PALM2AKAP2: variants seen among roughly 807,000 people sequenced by gnomAD.
The protein encoded by PALM2AKAP2 is PALM2 and AKAP2 fusion.
Under a neutral mutation model 71.5 loss-of-function variants are expected in PALM2AKAP2, and 37 were observed. That is an observed-to-expected ratio of 0.52 (90% CI 0.40 to 0.68). PALM2AKAP2 has a LOEUF of 0.68. Among genes scored for constraint, PALM2AKAP2 ranks in the 30% least tolerant of loss-of-function variants. PALM2AKAP2 has a pLI of 0.00. For missense variants in PALM2AKAP2, 1,224 were observed against 1,191.8 expected, an observed-to-expected ratio of 1.03 and a Z score of -0.40; for synonymous variants, 468 against 478.8, an observed-to-expected ratio of 0.98 and a Z score of 0.29.
intron 3 of PALM2AKAP2, among the ~76,000 whole-genome samples, chr9:109,914,001 C>T (rs1354839318): frequency 2.0e-5 from 3 of 152,082 alleles, no homozygotes; most frequent in Non-Finnish European, 2.9e-5. Flanking sequence ...CGTGATCCAC[C>T]CACCTCGGCC....
intron 1 of PALM2AKAP2, among the ~76,000 whole-genome samples, chr9:109,773,010 T>C (rs1326279660): frequency 6.6e-6 from 1 of 152,112 alleles, no homozygotes; most frequent in Non-Finnish European, 1.5e-5. Flanking sequence ...CCTAGCTACT[T>C]GGGAGGCTAA....
At chr9:109,655,256 G>A (rs1463553808) in intron 1 of PALM2AKAP2, among the ~76,000 whole-genome samples, 1 of 148,282 alleles carries the variant, frequency 6.7e-6, no homozygotes, top group Non-Finnish European at 1.5e-5. Flanking sequence ...GCCGAGATCG[G>A]CCACTGCACT....
At chr9:110,111,790 CA>C (rs1459462059) in intron 1 of PALM2AKAP2, among the ~76,000 whole-genome samples, 2 of 152,110 alleles carry the variant, frequency 1.3e-5, no homozygotes, top group Non-Finnish European at 2.9e-5. Flanking sequence ...TTTTAAAATA[CA>C]ACAAAGCTGC....
At chr9:110,096,928 TTTTATTTATTTA>T (rs149932603) in intron 1 of PALM2AKAP2, among the ~76,000 whole-genome samples, 29,718 of 148,302 alleles carry the variant, frequency 0.2, 3,645 homozygotes, top group African/African-American at 0.34. Flanking sequence ...AGAATTTTCT[TTTTATTTATTTA>T]TTTATTTATT....
intron 2 of PALM2AKAP2, among the ~76,000 whole-genome samples, chr9:110,148,292 C>T (rs1390371091): frequency 6.6e-6 from 1 of 152,138 alleles, no homozygotes; most frequent in African/African-American, 2.4e-5. Context: ...GGTATAAACC[C>T]AATATCAGCA....
chr9:109,681,463 C>T (rs1007071736), intron 1 of PALM2AKAP2, among the ~76,000 whole-genome samples: 5 of 152,158 alleles, frequency 3.3e-5, no homozygotes, highest in African/African-American at 9.7e-5. Context: ...GCAGGCATTG[C>T]ACTAAGCACA....
intron 1 of PALM2AKAP2, among the ~76,000 whole-genome samples, chr9:109,681,410 T>C (rs537819762): frequency 4.7e-4 from 72 of 152,342 alleles, no homozygotes; most frequent in South Asian, 1.9e-3. Context: ...AACTCAACGA[T>C]GCAATTCAAA....
chr9:110,100,038 T>C (rs1380318195), intron 1 of PALM2AKAP2, among the ~76,000 whole-genome samples: 1 of 122,328 alleles, frequency 8.2e-6, no homozygotes, highest in Non-Finnish European at 1.6e-5. Context: ...CATATATGCA[T>C]ATGTATGTGT....
chr9:109,668,085 C>T lies in PALM2AKAP2; in HGVS notation c.5+27219C>T, dbSNP rs997851142. ...CCAAGTAGCTGGGACTACAGGCGCC[C>T]GCCACTACGCCCGGCTAATTTTTTG... On this transcript the variant is annotated intron_variant, in intron 1 of 6. Coordinates refer to the PALM2AKAP2 transcript ENST00000374531. 6.8e-3 allele frequency among the ~76,000 whole-genome samples: 449 copies of T among 65,800 alleles called. 157 individuals carry two copies. Among genetic ancestry groups the T allele is most frequent in the Admixed American group, 0.018 (143 of 7,756 alleles). 43.2% of individuals were successfully genotyped at this position (65,800 alleles called of 152,430 possible). A position where few individuals can be genotyped will look rare whatever the true frequency, so the allele number is the denominator to read the frequency against.
chr9:109,909,771 CCCATGG>C (rs919567200), intron 3 of PALM2AKAP2, among the ~76,000 whole-genome samples: 14 of 152,070 alleles, frequency 9.2e-5, no homozygotes, highest in African/African-American at 3.1e-4. Flanking sequence ...GTAGTAATTA[CCCATGG>C]GAAGGGGAAG....
intron 1 of PALM2AKAP2, among the ~76,000 whole-genome samples, chr9:110,084,627 A>C (rs1363598488): frequency 1.3e-5 from 2 of 152,238 alleles, no homozygotes; most frequent in Non-Finnish European, 2.9e-5. Flanking sequence ...AGCTAATGCC[A>C]TGTAAATGCT....
intron 1 of PALM2AKAP2, among the ~76,000 whole-genome samples, chr9:109,809,965 T>A (rs1453035448): frequency 2.6e-5 from 4 of 152,210 alleles, no homozygotes; most frequent in Admixed American, 6.5e-5. Context: ...CATGTGGAAC[T>A]GTGAGTCAAT....
At chr9:110,150,427 T>TGGCTCATGGCCCCTTCCTC (rs1836281178) in intron 2 of PALM2AKAP2, among the ~76,000 whole-genome samples, 1 of 152,188 alleles carries the variant, frequency 6.6e-6, no homozygotes, top group African/African-American at 2.4e-5. Context: ...CTACATTCCT[T>TGGCTCATGGCCCCTTCCTC]GGCTCATGGC....
chr9:110,094,793 T>C (rs1834798459), intron 1 of PALM2AKAP2, among the ~76,000 whole-genome samples: 1 of 152,226 alleles, frequency 6.6e-6, no homozygotes, highest in African/African-American at 2.4e-5. Flanking sequence ...ATCACTCCTT[T>C]ATCTTGCCAT....
intron 6 of PALM2AKAP2, among the ~76,000 whole-genome samples, chr9:109,973,606 C>T (rs928920694): frequency 2.6e-5 from 4 of 152,190 alleles, no homozygotes; most frequent in African/African-American, 9.7e-5. Context: ...CTGCAGATCT[C>T]TTGACAATGA....
intron 1 of PALM2AKAP2, among the ~76,000 whole-genome samples, chr9:109,728,080 T>A (rs1419172911): frequency 6.6e-6 from 1 of 152,230 alleles, no homozygotes; most frequent in Non-Finnish European, 1.5e-5. Context: ...ATTAAAATGT[T>A]AAGCTGAAGC....
At chr9:109,899,422 T>C (rs1044102204) in intron 3 of PALM2AKAP2, among the ~76,000 whole-genome samples, 6 of 152,222 alleles carry the variant, frequency 3.9e-5, no homozygotes, top group Non-Finnish European at 8.8e-5. Context: ...TTATCTTTCA[T>C]GGGGATTGAT....
chr9:110,027,528 C>A (rs1264568869), intron 7 of PALM2AKAP2, among the ~76,000 whole-genome samples: 1 of 152,126 alleles, frequency 6.6e-6, no homozygotes, highest in Non-Finnish European at 1.5e-5. Flanking sequence ...TTTACATGTT[C>A]AATATTTCTC....
intron 1 of PALM2AKAP2, among the ~76,000 whole-genome samples, chr9:109,850,806 C>G (rs537071939): frequency 1.3e-5 from 2 of 152,202 alleles, no homozygotes; most frequent in Admixed American, 6.5e-5. Flanking sequence ...CAAGCTTAAG[C>G]AGCAGCAAAT....
Sources: allele counts gnomAD v4.1 joint callset (sites outside exome capture counted in the v4.1 genomes callset), GRCh38; gene constraint gnomAD v4.1.1; transcripts MANE v1.5; gene names NCBI Gene and HGNC (gene_info 2026-07-23, HGNC 2026-07-21).